EHBP1: variants seen among roughly 807,000 people sequenced by gnomAD.
EHBP1 encodes the protein EH domain binding protein 1.
Under a neutral mutation model 144.0 loss-of-function variants are expected in EHBP1, and 55 were observed. That is an observed-to-expected ratio of 0.38 (90% CI 0.31 to 0.48). The LOEUF is 0.48. EHBP1 is among the 20% of genes least tolerant of loss of function. The probability of loss-of-function intolerance (pLI) is 0.98; values close to 1 mark genes in which losing one functional copy is unlikely to be tolerated. For missense variants in EHBP1, 1,200 were observed against 1,364.2 expected, an observed-to-expected ratio of 0.88 and a Z score of 1.90; for synonymous variants, 469 against 472.7, an observed-to-expected ratio of 0.99 and a Z score of 0.10.
chr2:62,748,167 A>G (rs2039332025), intron 3 of EHBP1, among the ~76,000 whole-genome samples: 1 of 152,130 alleles, frequency 6.6e-6, no homozygotes, highest in Non-Finnish European at 1.5e-5. Context: ...ACCTAAGATT[A>G]ATTTATTTAG....
At chr2:62,718,420 A>G (rs1224006868) in intron 2 of EHBP1, among the ~76,000 whole-genome samples, 1 of 152,242 alleles carries the variant, frequency 6.6e-6, no homozygotes, top group Non-Finnish European at 1.5e-5. Context: ...GCTAGCGGCC[A>G]CCATCTTGGA....
intron 5 of EHBP1, among the ~76,000 whole-genome samples, chr2:62,805,879 C>T (rs1042777207): frequency 7.9e-5 from 12 of 152,158 alleles, no homozygotes; most frequent in Admixed American, 3.3e-4. Context: ...TTGAATCACT[C>T]TGACAATTGC....
intron 7 of EHBP1, among the ~76,000 whole-genome samples, chr2:62,845,839 G>T (rs865777475): frequency 5.3e-5 from 8 of 152,070 alleles, no homozygotes; most frequent in Non-Finnish European, 1.2e-4. Context: ...CTATTTTGGA[G>T]GTCAGTTAAA....
At chr2:63,022,771 T>C (rs2060811589) in intron 19 of EHBP1, among the ~76,000 whole-genome samples, 1 of 152,234 alleles carries the variant, frequency 6.6e-6, no homozygotes, top group Non-Finnish European at 1.5e-5. Flanking sequence ...ACTTGTCACT[T>C]CTGAGCTGAA....
At chr2:62,898,886 G>T (rs566335995) in intron 10 of EHBP1, among the ~76,000 whole-genome samples, 136 of 152,184 alleles carry the variant, frequency 8.9e-4, no homozygotes, top group Non-Finnish European at 1.5e-3. Flanking sequence ...AAATGAATTT[G>T]GTTTTAGATA....
intron 14 of EHBP1, among the ~76,000 whole-genome samples, chr2:62,961,900 C>T (rs534471978): frequency 5.9e-5 from 9 of 152,116 alleles, no homozygotes; most frequent in Admixed American, 1.3e-4. Context: ...ATGACAGCAC[C>T]GCCTATAGTC....
upstream of EHBP1, among the ~76,000 whole-genome samples, chr2:62,704,349 C>T (rs929690693): frequency 6.6e-6 from 1 of 152,178 alleles, no homozygotes; most frequent in Non-Finnish European, 1.5e-5. Context: ...TCTCTTGATT[C>T]TTCAACATGT....
intron 15 of EHBP1, 22 bp from the exon 16 acceptor site, chr2:62,990,694 A>G (rs1320926422): frequency 6.2e-6 from 10 of 1,611,624 alleles, no homozygotes; most frequent in Non-Finnish European, 7.6e-6. Context: ...TCAGTTATTC[A>G]TGGTATTTGC....
At chr2:62,826,026 T>G (rs978731521) in intron 5 of EHBP1, 61 bp from the exon 6 acceptor site, 1 of 1,239,680 alleles carries the variant, frequency 8.1e-7, no homozygotes. Context: ...AATCGTACTT[T>G]AAAATGTTTG....
chr2:62,990,685 CAGTT>C, intron 15 of EHBP1, 27 bp from the exon 16 acceptor site: 1 of 1,608,958 alleles, frequency 6.2e-7, no homozygotes, highest in Non-Finnish European at 8.5e-7. Flanking sequence ...GCATCTCACT[CAGTT>C]ATTCATGGTA....
chr2:62,879,812 A>G (rs949154577), intron 10 of EHBP1, among the ~76,000 whole-genome samples: 1 of 152,172 alleles, frequency 6.6e-6, no homozygotes, highest in Non-Finnish European at 1.5e-5. Context: ...TGCTATTTCT[A>G]TCAAAATTAC....
intron 19 of EHBP1, among the ~76,000 whole-genome samples, chr2:63,036,957 C>T (rs954379610): frequency 6.6e-6 from 1 of 151,494 alleles, no homozygotes; most frequent in African/African-American, 2.4e-5. Context: ...TCATAGATAG[C>T]TGTGGGTATT....
chr2:62,980,818 A>C (rs552303865), intron 15 of EHBP1, among the ~76,000 whole-genome samples: 2 of 146,670 alleles, frequency 1.4e-5, no homozygotes, highest in East Asian at 3.9e-4. Flanking sequence ...ATTGCTACCA[A>C]ATATATATAT....
At chr2:62,950,059 A>G (rs920835071) in intron 13 of EHBP1, among the ~76,000 whole-genome samples, 9 of 152,116 alleles carry the variant, frequency 5.9e-5, no homozygotes, top group African/African-American at 2.2e-4. Context: ...TGATTAAGGT[A>G]TTCCTAAAAG....
intron 9 of EHBP1, 124 bp from the exon 10 acceptor site, chr2:62,874,222 G>C: frequency 1.6e-6 from 1 of 624,272 alleles, no homozygotes; most frequent in Non-Finnish European, 2.7e-6. Context: ...CAAATTCCAG[G>C]TTATCACTGG....
intron 10 of EHBP1, among the ~76,000 whole-genome samples, chr2:62,929,207 A>G (rs2055778267): frequency 6.6e-6 from 1 of 152,224 alleles, no homozygotes; most frequent in Non-Finnish European, 1.5e-5. Flanking sequence ...AACATTGGAG[A>G]GGGAATACTC....
intron 19 of EHBP1, among the ~76,000 whole-genome samples, chr2:63,025,590 G>A (rs1403290904): frequency 6.6e-6 from 1 of 152,184 alleles, no homozygotes; most frequent in Non-Finnish European, 1.5e-5. Context: ...GGAGAGAAGG[G>A]AAAGGACATT....
intron 10 of EHBP1, among the ~76,000 whole-genome samples, chr2:62,934,339 T>A (rs2056219309): frequency 6.6e-6 from 1 of 152,234 alleles, no homozygotes; most frequent in Non-Finnish European, 1.5e-5. Flanking sequence ...CGGAGCAAGT[T>A]TTCACATTTA....
chr2:62,705,183 C>T (rs2034423844), upstream of EHBP1, among the ~76,000 whole-genome samples: 1 of 152,080 alleles, frequency 6.6e-6, no homozygotes, highest in South Asian at 2.1e-4. Flanking sequence ...GAAATAAAGG[C>T]TATGCGCAAA....
Sources: allele counts gnomAD v4.1 joint callset (sites outside exome capture counted in the v4.1 genomes callset), GRCh38; gene constraint gnomAD v4.1.1; transcripts MANE v1.5; gene names NCBI Gene and HGNC (gene_info 2026-07-23, HGNC 2026-07-21).